TMEM132C: variants seen among roughly 807,000 people sequenced by gnomAD.
TMEM132C encodes transmembrane protein 132C, also known as protein phosphatase 1, regulatory subunit 152.
TMEM132C carries 29 observed loss-of-function variants against 61.4 expected under a neutral mutation model. The ratio of observed to expected loss-of-function variants is 0.47; its 90% CI spans 0.35 to 0.64. The LOEUF is 0.64. Ranked by LOEUF, TMEM132C falls within the 30% of genes least tolerant of loss-of-function variation. The pLI is 0.00. For missense variants in TMEM132C, 1,408 were observed against 1,476.9 expected (o/e 0.95, Z 0.76); for synonymous variants, 656 against 633.1 (o/e 1.04, Z -0.54).
intron 1 of TMEM132C, among the ~76,000 whole-genome samples, chr12:128,304,234 C>T (rs78978519): frequency 2.4e-5 from 2 of 83,594 alleles, no homozygotes; most frequent in African/African-American, 3.7e-5. Context: ...ACCTGAGAAT[C>T]GAGCTTCCCT....
intron 1 of TMEM132C, among the ~76,000 whole-genome samples, chr12:128,354,802 C>G (rs1873448823): frequency 6.6e-6 from 1 of 152,214 alleles, no homozygotes; most frequent in African/African-American, 2.4e-5. Flanking sequence ...GCCATTCATA[C>G]AAGTTGGAGA....
intron 2 of TMEM132C, among the ~76,000 whole-genome samples, chr12:128,511,117 G>A (rs906261384): frequency 2.0e-5 from 3 of 152,160 alleles, no homozygotes; most frequent in African/African-American, 7.2e-5. Context: ...AGGGATTTCT[G>A]CAATTGATTT....
rs1868724832 is a variant in TMEM132C at position 128,415,189 on chromosome 12, G to T, written c.543G>T (p.Val181=). The T allele has an allele frequency of 6.2e-7, 1 of 1,610,894 alleles. No homozygotes were observed. Among genetic ancestry groups the T allele is most frequent in the African/African-American group, 1.3e-5 (1 of 74,764 alleles). Residue 181 remains valine (V), a synonymous_variant, in exon 2 of 9, where the codon GTG becomes GTT. Coordinates refer to ENST00000435159, the MANE Select transcript of TMEM132C (RefSeq NM_001136103.3). This position sits in a 1 kb window ranked among gnomAD's most constrained non-coding sequence, Gnocchi z 5.8. ...RVFAFRETRE[V]RGSCRLKGDL... is the part of the protein sequence containing the mutation. ...TTGCTTTCCGAGAAACCAGAGAGGT[G>T]CGGGGCAGCTGCCGGCTGAAGGGGG... is the stretch of plus-strand genomic sequence containing the variant.
intron 2 of TMEM132C, among the ~76,000 whole-genome samples, chr12:128,537,589 C>T (rs1873578166): frequency 6.6e-6 from 1 of 152,180 alleles, no homozygotes; most frequent in African/African-American, 2.4e-5. Flanking sequence ...ATACAACATT[C>T]TCAAAGTGTG....
At chr12:128,395,517 A>C (rs1713600) in intron 1 of TMEM132C, among the ~76,000 whole-genome samples, 57,190 of 152,042 alleles carry the variant, frequency 0.38, 12,042 homozygotes, top group African/African-American at 0.57. Context: ...AAGTTTGAAA[A>C]TACATTTAAT....
At chr12:128,664,995 A>G (rs1196867347) in intron 4 of TMEM132C, among the ~76,000 whole-genome samples, 1 of 147,362 alleles carries the variant, frequency 6.8e-6, no homozygotes, top group East Asian at 1.9e-4. Flanking sequence ...ACATGCACCC[A>G]TATGCACACA....
intron 1 of TMEM132C, among the ~76,000 whole-genome samples, chr12:128,334,818 G>T (rs1029220624): frequency 2.0e-5 from 3 of 152,074 alleles, no homozygotes; most frequent in Non-Finnish European, 4.4e-5. Context: ...GGAGGGTCTC[G>T]ATCTCCTGAC....
Position 128,705,413 on chromosome 12 carries a change from T to C in TMEM132C, c.2445T>C (p.Asp815=). The change falls in exon 9 of 9, where the codon GAT becomes GAC. Residue 815 remains aspartate, a synonymous_variant. Coordinates refer to ENST00000435159, the MANE Select transcript of TMEM132C (RefSeq NM_001136103.3). ...DSSPGGDYEE[D]EIKNHASDRR... ...GCCCCGGCGGGGACTATGAGGAAGA[T>C]GAGATCAAGAACCACGCCAGCGACC... is the stretch of plus-strand genomic sequence containing the variant. 6.4e-7 allele frequency: 1 copy of C among 1,550,898 alleles called. No homozygotes were observed. The highest frequency in any genetic ancestry group is 1.2e-5 in the South Asian group (1 of 84,054).
At chr12:128,382,382 G>A (rs1036349970) in intron 1 of TMEM132C, among the ~76,000 whole-genome samples, 5 of 152,194 alleles carry the variant, frequency 3.3e-5, no homozygotes, top group African/African-American at 9.7e-5. Context: ...GATCGAGATA[G>A]CGCTGACTGA....
chr12:128,367,935 G>A (rs1409169371), intron 1 of TMEM132C, among the ~76,000 whole-genome samples: 1 of 152,132 alleles, frequency 6.6e-6, no homozygotes, highest in Non-Finnish European at 1.5e-5. Context: ...ATTTCTATTA[G>A]ACAGTGGCGG....
At chr12:128,386,631 G>A (rs1056170581) in intron 1 of TMEM132C, among the ~76,000 whole-genome samples, 6 of 152,200 alleles carry the variant, frequency 3.9e-5, no homozygotes, top group African/African-American at 1.4e-4. Flanking sequence ...GGCTGGGATT[G>A]TTCTACACGT....
intron 2 of TMEM132C, among the ~76,000 whole-genome samples, chr12:128,533,402 C>G (rs1247764955): frequency 6.6e-6 from 1 of 152,120 alleles, no homozygotes; most frequent in East Asian, 1.9e-4. Flanking sequence ...TATCCATTTT[C>G]TAGGGCTGCT....
intron 2 of TMEM132C, among the ~76,000 whole-genome samples, chr12:128,435,118 G>A (rs1410714421): frequency 1.3e-5 from 2 of 152,134 alleles, no homozygotes; most frequent in African/African-American, 2.4e-5. Flanking sequence ...TAATGTCACA[G>A]GTTAACAGCA....
chr12:128,673,822 A>G (rs7960753), intron 5 of TMEM132C, among the ~76,000 whole-genome samples: 1 of 152,138 alleles, frequency 6.6e-6, no homozygotes, highest in East Asian at 1.9e-4. Context: ...CATGAGGATT[A>G]ATCAGTTTTA....
chr12:128,376,796 C>T (rs2398408), intron 1 of TMEM132C, among the ~76,000 whole-genome samples: 72,941 of 152,092 alleles, frequency 0.48, 19,786 homozygotes, highest in Non-Finnish European at 0.61. Context: ...GTGTGTGCCC[C>T]GAAGTGGGCA....
intron 4 of TMEM132C, among the ~76,000 whole-genome samples, chr12:128,644,547 G>A (rs1009398146): frequency 2.6e-5 from 4 of 152,144 alleles, no homozygotes; most frequent in South Asian, 4.1e-4. Context: ...TCTAAAAAAG[G>A]CAAAACTATA....
At chr12:128,371,260 T>C (rs1874020622) in intron 1 of TMEM132C, among the ~76,000 whole-genome samples, 1 of 152,164 alleles carries the variant, frequency 6.6e-6, no homozygotes, top group African/African-American at 2.4e-5. Context: ...GCACATGGAT[T>C]TTTCTGGGGG....
At chr12:128,497,945 G>A (rs1872026384) in intron 2 of TMEM132C, among the ~76,000 whole-genome samples, 1 of 152,064 alleles carries the variant, frequency 6.6e-6, no homozygotes, top group Non-Finnish European at 1.5e-5. Context: ...GACTGAAGCT[G>A]TTCCTATTCG....
Position 128,392,064 on chromosome 12 carries a change from TTCTC to T in TMEM132C, c.86-22637_86-22634del, listed in dbSNP as rs34334973. Reference sequence around the variant, plus strand: ...TCTCTCTGTCTCTGTCTCTCTCTCTTTCTCTCTCTCTCTCTCTCTCTCTCTCTCT... The same window carrying T: ...TCTCTCTGTCTCTGTCTCTCTCTCTTTCTCTCTCTCTCTCTCTCTCTCTCT... On this transcript the variant is annotated intron_variant, in intron 1 of 8. Coordinates refer to ENST00000435159, the MANE Select transcript of TMEM132C (RefSeq NM_001136103.3). 5.3e-3 allele frequency among the ~76,000 whole-genome samples: 688 copies of T among 130,374 alleles called. 8 individuals carry two copies. Among genetic ancestry groups the T allele is most frequent in the African/African-American group, 0.017 (510 of 30,596 alleles). 85.5% of individuals were successfully genotyped at this position (130,374 alleles called of 152,430 possible). A position where few individuals can be genotyped will look rare whatever the true frequency, so the allele number is the denominator to read the frequency against.
Sources: gnomAD v4.1 joint callset for allele counts (sites outside exome capture counted in the v4.1 genomes callset) on GRCh38, gnomAD v4.1.1 for gene constraint, Gnocchi (gnomAD v3.1) non-coding constraint, MANE v1.5 for transcripts, NCBI Gene and HGNC (gene_info 2026-07-23, HGNC 2026-07-21) for gene names.